The following GRM7 variants were observed in gnomAD, a reference collection of about 807,000 sequenced individuals.
GRM7 encodes glutamate metabotropic receptor 7.
A neutral mutation model predicts 84.5 loss-of-function variants in GRM7; 35 were observed. That is an observed-to-expected ratio of 0.41 (90% CI 0.32 to 0.55). GRM7 has a LOEUF of 0.55. GRM7 is among the 20% of genes least tolerant of loss of function. The probability of loss-of-function intolerance (pLI) is 0.19; values close to 1 mark genes in which losing one functional copy is unlikely to be tolerated. For missense variants in GRM7, 1,003 were observed against 1,194.6 expected (o/e 0.84, Z 2.36); for synonymous variants, 487 against 455.1 (o/e 1.07, Z -0.89).
intron 7 of GRM7, among the ~76,000 whole-genome samples, chr3:7,542,094 A>G (rs1000730632): frequency 2.0e-5 from 3 of 152,218 alleles, no homozygotes; most frequent in African/African-American, 7.2e-5. Flanking sequence ...ATATTGCATT[A>G]GAACCTACCC....
intron 5 of GRM7, among the ~76,000 whole-genome samples, chr3:7,423,572 A>G (rs1394604360): frequency 2.0e-5 from 3 of 151,508 alleles, no homozygotes; most frequent in African/African-American, 7.2e-5. Flanking sequence ...CTTATCAAGT[A>G]TCATCAAGCA....
chr3:7,145,919 C>T (rs969346856), intron 1 of GRM7, among the ~76,000 whole-genome samples: 3 of 152,148 alleles, frequency 2.0e-5, no homozygotes, highest in Non-Finnish European at 4.4e-5. Flanking sequence ...TATTACAGAG[C>T]TACTTTAAAA....
intron 1 of GRM7, among the ~76,000 whole-genome samples, chr3:7,066,032 C>T (rs971187946): frequency 6.6e-6 from 1 of 151,638 alleles, no homozygotes; most frequent in African/African-American, 2.4e-5. Flanking sequence ...AAAGGCGGTG[C>T]CAAGAGGAAA....
chr3:7,583,599 A>G (rs1695369929), intron 8 of GRM7, among the ~76,000 whole-genome samples: 1 of 152,172 alleles, frequency 6.6e-6, no homozygotes, highest in African/African-American at 2.4e-5. Flanking sequence ...GTTTGCTGTC[A>G]TTGTGTGAAA....
At chr3:7,196,551 C>G (rs1339348035) in intron 2 of GRM7, among the ~76,000 whole-genome samples, 1 of 152,098 alleles carries the variant, frequency 6.6e-6, no homozygotes, top group African/African-American at 2.4e-5. Flanking sequence ...TGCTTTTGGA[C>G]CTTTAAAGAT....
chr3:6,866,700 C>T (rs1165425485), intron 1 of GRM7, among the ~76,000 whole-genome samples: 1 of 152,152 alleles, frequency 6.6e-6, no homozygotes, highest in African/African-American at 2.4e-5. Context: ...TTTCGTATCT[C>T]CATGTAGTAT....
rs531764413 is a variant in GRM7, at chr3:7,657,569, CT to C, written c.2452-22471del. 5.4e-4 allele frequency among the ~76,000 whole-genome samples: 82 copies of C among 151,590 alleles called. No homozygotes were observed. In the East Asian group the frequency reaches 8.3e-3, roughly 15 times the overall value. On this transcript the variant is annotated intron_variant, in intron 8 of 9. Transcript: ENST00000357716. ...TAGCAAAGAGAACAAGAATTCCCTT[CT>C]TTTTTTTTCCAGTAGGAATTTATTT... is the stretch of plus-strand genomic sequence containing the variant.
chr3:6,861,328 T>G lies in GRM7; in HGVS notation c.-61T>G. On this transcript the variant is annotated 5_prime_UTR_variant, in exon 1 of 10. Transcript: ENST00000357716. The surrounding 1 kb of genome is among the most constrained non-coding windows in gnomAD (Gnocchi z 6.4). Reference sequence around the variant, plus strand: ...GAGCTCGCCCTGAAGGGCCCGGACCTCGGCGAGCCCACCACCGTTCCCTCC... The same window carrying G: ...GAGCTCGCCCTGAAGGGCCCGGACCGCGGCGAGCCCACCACCGTTCCCTCC... 1 of 1,404,026 alleles carries G rather than the reference T, an allele frequency of 7.1e-7. No individual in the cohort carries two copies. Among genetic ancestry groups the G allele is most frequent in the Non-Finnish European group, 9.3e-7 (1 of 1,079,846 alleles). The allele number at this position is 1,404,026 out of a possible 1,614,324, so 87.0% of individuals were successfully genotyped here.
chr3:7,096,068 T>C (rs991093278), intron 1 of GRM7, among the ~76,000 whole-genome samples: 2 of 152,214 alleles, frequency 1.3e-5, no homozygotes, highest in African/African-American at 4.8e-5. Flanking sequence ...GTTTTATGTA[T>C]ATATTTCAAG....
chr3:7,382,100 A>G (rs1485684100), intron 4 of GRM7, among the ~76,000 whole-genome samples: 1 of 152,190 alleles, frequency 6.6e-6, no homozygotes, highest in Non-Finnish European at 1.5e-5. Context: ...ATTCTTTATA[A>G]TGATCCTTCT....
Position 7,178,982 on chromosome 3 carries a change from T to C in GRM7, c.736+32314T>C, listed in dbSNP as rs553728498. On this transcript the variant is annotated intron_variant, in intron 2 of 9. Transcript: ENST00000357716. ...CAAGCTGGGTGTGGTGGCATGCACC[T>C]GTAATCCTAGTTACTCGGGAGGCTG... Among the ~76,000 whole-genome samples, 67 of 152,150 alleles carry C rather than the reference T, an allele frequency of 4.4e-4. No homozygotes were observed. The South Asian group carries it at 0.013, about 29-fold the overall frequency.
intron 2 of GRM7, among the ~76,000 whole-genome samples, chr3:7,178,541 T>C (rs1189864670): frequency 1.3e-5 from 2 of 152,140 alleles, no homozygotes; most frequent in East Asian, 3.9e-4. Context: ...CTAAGCTGTT[T>C]GGTTTGTATA....
chr3:7,573,373 C>T (rs1445543518), intron 7 of GRM7, among the ~76,000 whole-genome samples: 1 of 151,950 alleles, frequency 6.6e-6, no homozygotes, highest in African/African-American at 2.4e-5. Context: ...ATGGAGTAAG[C>T]TTTGGAAATA....
intron 1 of GRM7, among the ~76,000 whole-genome samples, chr3:7,087,482 G>A (rs1698501345): frequency 6.6e-6 from 1 of 151,446 alleles, no homozygotes; most frequent in Non-Finnish European, 1.5e-5. Flanking sequence ...AAGTTTATTT[G>A]CAGCTGAAAG....
In GRM7 at chr3:7,188,339, AT is replaced by A. The variant is rs1695589500; in HGVS notation, c.736+41672del. The stretch of plus-strand genomic sequence containing the variant: ...ATAGGTAGGTATGTTATATAATATA[AT>A]CTGTAATTAAAACTTTAGTCTGACA... On this transcript the variant is annotated intron_variant, in intron 2 of 9. Transcript: ENST00000357716. The surrounding 1 kb of genome is among the most constrained non-coding windows in gnomAD (Gnocchi z 4.2). Among the ~76,000 whole-genome samples the A allele has an allele frequency of 6.6e-6, 1 of 152,156 alleles. No individual in the cohort carries two copies. The highest frequency in any genetic ancestry group is 1.5e-5 in the Non-Finnish European group (1 of 68,030).
At chr3:7,670,925 C>G (rs891721927) in intron 8 of GRM7, among the ~76,000 whole-genome samples, 1 of 152,148 alleles carries the variant, frequency 6.6e-6, no homozygotes, top group Non-Finnish European at 1.5e-5. Flanking sequence ...CAGGAGTCGT[C>G]TCTCCAGGAT....
At chr3:7,362,749 G>A (rs187585621) in intron 4 of GRM7, among the ~76,000 whole-genome samples, 1 of 152,216 alleles carries the variant, frequency 6.6e-6, no homozygotes, top group Admixed American at 6.5e-5. Flanking sequence ...GCGTGAAGAG[G>A]TGTTAATTCA....
intron 1 of GRM7, among the ~76,000 whole-genome samples, chr3:6,994,368 C>T (rs566647089): frequency 3.3e-5 from 5 of 152,232 alleles, no homozygotes; most frequent in African/African-American, 1.2e-4. Context: ...AGCATGTTAG[C>T]TGGGAGAGGG....
intron 8 of GRM7, among the ~76,000 whole-genome samples, chr3:7,633,769 T>A (rs563971133): frequency 6.6e-6 from 1 of 152,226 alleles, no homozygotes; most frequent in Non-Finnish European, 1.5e-5. Flanking sequence ...TTTCTTTGTA[T>A]GTAATGTCTG....
Sources: gnomAD v4.1 joint callset for allele counts (sites outside exome capture counted in the v4.1 genomes callset) on GRCh38, gnomAD v4.1.1 for gene constraint, Gnocchi (gnomAD v3.1) non-coding constraint, MANE v1.5 for transcripts, NCBI Gene and HGNC (gene_info 2026-07-23, HGNC 2026-07-21) for gene names.